Variants in RIMKLB observed in about 807,000 individuals in gnomAD.
The protein encoded by RIMKLB is ribosomal modification protein rimK like family member B.
A neutral mutation model predicts 32.0 loss-of-function variants in RIMKLB; 7 were observed. That is an observed-to-expected ratio of 0.22 (90% CI 0.12 to 0.41). The LOEUF (loss-of-function observed/expected upper bound fraction) is 0.41, where lower values mean the gene tolerates loss of function less well. RIMKLB is among the 10% of genes least tolerant of loss of function. RIMKLB has a pLI of 1.00. For missense variants in RIMKLB, 289 were observed against 498.7 expected (o/e 0.58, Z 4.00); for synonymous variants, 172 against 185.1 (o/e 0.93, Z 0.57).
intron 2 of RIMKLB, chr12:8,742,574 A>G: frequency 2.9e-6 from 1 of 344,246 alleles, no homozygotes; most frequent in South Asian, 2.6e-5. Context: ...TGGCATCTGC[A>G]TCATCAATTT....
chr12:8,729,630 C>G (rs1322595110), intron 2 of RIMKLB, among the ~76,000 whole-genome samples: 1 of 152,032 alleles, frequency 6.6e-6, no homozygotes, highest in Non-Finnish European at 1.5e-5. Flanking sequence ...GGCCATGGTA[C>G]CAGGCTTTTT....
chr12:8,777,709 C>A, downstream of RIMKLB: 1 of 1,278,466 alleles, frequency 7.8e-7, no homozygotes, highest in South Asian at 1.3e-5. Flanking sequence ...GGGGTCAGTG[C>A]CCTTCTAAAC....
At chr12:8,719,406 T>G (rs926337372) in intron 2 of RIMKLB, among the ~76,000 whole-genome samples, 3 of 152,190 alleles carry the variant, frequency 2.0e-5, no homozygotes, top group African/African-American at 7.2e-5. Context: ...TTCGCTCTTG[T>G]CGCCCAGGCT....
intron 1 of RIMKLB, among the ~76,000 whole-genome samples, chr12:8,691,848 T>C (rs961894896): frequency 3.9e-5 from 6 of 152,198 alleles, no homozygotes; most frequent in Non-Finnish European, 8.8e-5. Flanking sequence ...ATTTAATCTG[T>C]AAATGTTCAC....
At chr12:8,709,343 C>T (rs1184028347) in intron 1 of RIMKLB, among the ~76,000 whole-genome samples, 1 of 152,092 alleles carries the variant, frequency 6.6e-6, no homozygotes, top group Non-Finnish European at 1.5e-5. Context: ...TCTGTTTTTT[C>T]CTGTTTTTCT....
intron 1 of RIMKLB, among the ~76,000 whole-genome samples, chr12:8,689,756 G>A (rs906348779): frequency 6.6e-6 from 1 of 152,082 alleles, no homozygotes; most frequent in Non-Finnish European, 1.5e-5. Context: ...GTGGTGATGC[G>A]GAGGTGGGGA....
intron 5 of RIMKLB, among the ~76,000 whole-genome samples, chr12:8,771,918 T>G (rs778736999): frequency 6.6e-6 from 1 of 152,308 alleles, no homozygotes; most frequent in Non-Finnish European, 1.5e-5. Context: ...AGATGGAGTC[T>G]CGTTCTGTCG....
At chr12:8,709,791 T>C (rs776741585) in intron 1 of RIMKLB, among the ~76,000 whole-genome samples, 15 of 152,380 alleles carry the variant, frequency 9.8e-5, no homozygotes, top group South Asian at 8.3e-4. Flanking sequence ...TATATTGTTA[T>C]AATTGTTCTA....
Position 8,750,073 on chromosome 12 carries a change from G to C in RIMKLB, c.387G>C (p.Leu129=). The C allele has an allele frequency of 6.2e-7, 1 of 1,604,982 alleles. No individual in the cohort carries two copies. Among genetic ancestry groups the C allele is most frequent in the African/African-American group, 1.3e-5 (1 of 74,884 alleles). Reference sequence around the variant, plus strand: ...AGTTGGCTGGCCATGGTGTTCCTCTGCCGGATACTTTCTCTTATGGTGAGC... The same window carrying C: ...AGTTGGCTGGCCATGGTGTTCCTCTCCCGGATACTTTCTCTTATGGTGAGC... ...FQELAGHGVP[L]PDTFSYGGHE... is the part of the protein sequence containing the mutation. Residue 129 remains leucine (L), a synonymous_variant, in exon 3 of 6, where the codon CTG becomes CTC. Coordinates refer to ENST00000535829, the MANE Select transcript of RIMKLB (RefSeq NM_001297776.2).
chr12:8,676,203 G>T, the RIMKLB span, among the ~76,000 whole-genome samples: 7 of 151,606 alleles, frequency 4.6e-5, no homozygotes, highest in Non-Finnish European at 8.8e-5. Context: ...TCTCCCAGTA[G>T]CTGGGACCAC....
chr12:8,710,822 G>A (rs1379908588), intron 1 of RIMKLB, among the ~76,000 whole-genome samples: 1 of 152,048 alleles, frequency 6.6e-6, no homozygotes, highest in Non-Finnish European at 1.5e-5. Flanking sequence ...AAGACCCACT[G>A]TGCAATGAAA....
chr12:8,748,519 C>CGTGTGTGTGTGTGT lies in RIMKLB; in HGVS notation c.176-1317_176-1304dup, dbSNP rs58187682. On this transcript the variant is annotated intron_variant, in intron 2 of 5. Transcript: ENST00000535829. ...CCCCCACAGACAAGGTGGGATTATT[C>CGTGTGTGTGTGTGT]GTGTGTGTGTGTGTGTGTGTGTGTG... is the stretch of plus-strand genomic sequence containing the variant. Among the ~76,000 whole-genome samples, 128 of 131,274 alleles carry CGTGTGTGTGTGTGT rather than the reference C, an allele frequency of 9.8e-4. 1 individual carries two copies. The highest frequency in any genetic ancestry group is 2.3e-3 in the African/African-American group (78 of 33,592). 86.1% of individuals were successfully genotyped at this position (131,274 alleles called of 152,430 possible). A position where few individuals can be genotyped will look rare whatever the true frequency, so the allele number is the denominator to read the frequency against.
At chr12:8,701,647 CTTT>C (rs752751224) in intron 1 of RIMKLB, among the ~76,000 whole-genome samples, 6 of 124,704 alleles carry the variant, frequency 4.8e-5, no homozygotes, top group Admixed American at 8.2e-5. Flanking sequence ...GGCCTGATCT[CTTT>C]TTTTTTTTTT....
At chr12:8,709,639 C>T (rs1017063531) in intron 1 of RIMKLB, among the ~76,000 whole-genome samples, 5 of 152,080 alleles carry the variant, frequency 3.3e-5, no homozygotes, top group East Asian at 1.9e-4. Context: ...CGCATGTCCT[C>T]CTGTGGGAAT....
chr12:8,775,460 C>T lies in RIMKLB; in HGVS notation c.*1676C>T. The stretch of plus-strand genomic sequence containing the variant: ...GCAGAGCCCAACGTAATTTTTTAAA[C>T]AGCAAGTTTTCCATCTCCCTACGAA... On this transcript the variant is annotated 3_prime_UTR_variant, in exon 6 of 6. Transcript: ENST00000535829. The T allele has an allele frequency of 1.0e-6, 1 of 985,662 alleles. No homozygotes were observed. The highest frequency in any genetic ancestry group is 1.2e-6 in the Non-Finnish European group (1 of 829,876). The allele number at this position is 985,662 out of a possible 1,614,324, so 61.1% of individuals were successfully genotyped here.
At chr12:8,768,730 C>T (rs1176675723) in intron 5 of RIMKLB, among the ~76,000 whole-genome samples, 1 of 152,058 alleles carries the variant, frequency 6.6e-6, no homozygotes, top group Non-Finnish European at 1.5e-5. Flanking sequence ...TAATAATTGC[C>T]CTGTTAAAGT....
chr12:8,756,132 C>T (rs892274195), intron 5 of RIMKLB, among the ~76,000 whole-genome samples: 10 of 143,148 alleles, frequency 7.0e-5, no homozygotes, highest in South Asian at 2.2e-4. Flanking sequence ...CCAGCCTGGG[C>T]AACAGAGTGA....
intron 2 of RIMKLB, among the ~76,000 whole-genome samples, chr12:8,730,224 TGCA>T (rs1946411093): frequency 6.6e-6 from 1 of 152,218 alleles, no homozygotes; most frequent in South Asian, 2.1e-4. Flanking sequence ...TAGCTGAGAC[TGCA>T]GGCATGCATC....
intron 1 of RIMKLB, among the ~76,000 whole-genome samples, chr12:8,682,268 G>T (rs777437221): frequency 5.9e-5 from 9 of 152,132 alleles, no homozygotes; most frequent in Non-Finnish European, 1.2e-4. Context: ...GAGTCTTGTC[G>T]TCGAACTGCT....
Sources: gnomAD v4.1 joint callset for allele counts (sites outside exome capture counted in the v4.1 genomes callset) on GRCh38, gnomAD v4.1.1 for gene constraint, MANE v1.5 for transcripts, NCBI Gene and HGNC (gene_info 2026-07-23, HGNC 2026-07-21) for gene names.